Variants in DPYSL3 observed in about 807,000 individuals in gnomAD.
DPYSL3 encodes dihydropyrimidinase like 3, also known as dihydropyrimidinase-related protein 3.
Under a neutral mutation model 66.1 loss-of-function variants are expected in DPYSL3, and 16 were observed. The ratio of observed to expected loss-of-function variants is 0.24; its 90% CI spans 0.16 to 0.37. The LOEUF (loss-of-function observed/expected upper bound fraction) is 0.37. Among genes scored for constraint, DPYSL3 ranks in the 10% least tolerant of loss-of-function variants. The pLI is 1.00. For synonymous variants in DPYSL3, 338 were observed against 345.1 expected, an observed-to-expected ratio of 0.98 and a Z score of 0.23; for missense variants, 738 against 916.2, an observed-to-expected ratio of 0.81 and a Z score of 2.51.
At chr5:147,472,982 G>A (rs1581210176) in intron 1 of DPYSL3, 1 of 152,076 alleles carries the variant, frequency 6.6e-6, no homozygotes, top group Non-Finnish European at 1.5e-5. Flanking sequence ...AAATTTTTCA[G>A]CCAATATTGA....
Position 147,393,371 on chromosome 5 carries a change from G to A in DPYSL3, c.*664C>T, listed in dbSNP as rs184807613. 1 of 152,370 alleles carries A rather than the reference G, an allele frequency of 6.6e-6. No homozygotes were observed. Among genetic ancestry groups the A allele is most frequent in the Non-Finnish European group, 1.5e-5 (1 of 68,102 alleles). 9.4% of individuals were successfully genotyped at this position (152,370 alleles called of 1,614,324 possible). ...CACAATCAAGCAGGTGGAAGAAATG[G>A]TTGGGTCTTGGCATTTTAATAAACG... On this transcript the variant is annotated 3_prime_UTR_variant, in exon 14 of 14. Transcript: ENST00000343218.
At chr5:147,400,612 C>T in intron 10 of DPYSL3, 80 bp downstream of exon 10, 5 of 1,541,034 alleles carry the variant, frequency 3.2e-6, no homozygotes, top group Non-Finnish European at 4.4e-6. Flanking sequence ...GTGTCACCAG[C>T]CCAACTGGTG....
intron 1 of DPYSL3, among the ~76,000 whole-genome samples, chr5:147,458,722 G>C (rs1014143305): frequency 9.8e-5 from 15 of 152,290 alleles, no homozygotes; most frequent in African/African-American, 3.4e-4. Context: ...ACTTACAGTA[G>C]CATATGTGCA....
At chr5:147,439,423 A>G (rs968233812) in intron 1 of DPYSL3, among the ~76,000 whole-genome samples, 1 of 151,960 alleles carries the variant, frequency 6.6e-6, no homozygotes, top group Non-Finnish European at 1.5e-5. Flanking sequence ...TGGACATGAA[A>G]GTGTCATAAT....
chr5:147,393,032 C>T lies in DPYSL3; in HGVS notation c.*1003G>A, dbSNP rs190171030. ...AAACACAAACTGCCTGTAAGAGAGG[C>T]CCTTCATTCTGCCTCATCTGAGCTA... On this transcript the variant is annotated 3_prime_UTR_variant, in exon 14 of 14. Transcript: ENST00000343218. 9 of 152,282 alleles carry T rather than the reference C, an allele frequency of 5.9e-5. No homozygotes were observed. Among genetic ancestry groups the T allele is most frequent in the African/African-American group, 1.9e-4 (8 of 41,562 alleles). 9.4% of individuals were successfully genotyped at this position (152,282 alleles called of 1,614,324 possible).
chr5:147,418,199 C>T (rs1482053078), intron 3 of DPYSL3, among the ~76,000 whole-genome samples: 11 of 152,298 alleles, frequency 7.2e-5, no homozygotes, highest in East Asian at 1.9e-4. Context: ...CAGGAGCCAG[C>T]GCCTGCTGCT....
Position 147,395,615 on chromosome 5 carries a change from G to T in DPYSL3, c.1910C>A (p.Pro637His). The part of the protein sequence containing the change: ...GTPAGSARGS[P>H]TRPNPPVRNL... ...CCTCACAGGTGGGTTCGGCCGAGTA[G>T]GAGAGCCCCGAGCAGAGCCTGCGGG... is the stretch of plus-strand genomic sequence containing the variant. Residue 637 changes from proline to histidine, a missense_variant, in exon 13 of 14, where the codon CCT becomes CAT. Transcript: ENST00000343218. 6.2e-7 allele frequency: 1 copy of T among 1,614,086 alleles called. No individual in the cohort carries two copies. Among genetic ancestry groups the T allele is most frequent in the Non-Finnish European group, 8.5e-7 (1 of 1,180,028 alleles).
chr5:147,444,081 C>T (rs1444591019), intron 1 of DPYSL3, among the ~76,000 whole-genome samples: 1 of 152,020 alleles, frequency 6.6e-6, no homozygotes, highest in Non-Finnish European at 1.5e-5. Context: ...AAGTGAACTC[C>T]AATTGGAATC....
At chr5:147,417,999 C>T (rs909325478) in intron 3 of DPYSL3, among the ~76,000 whole-genome samples, 5 of 152,124 alleles carry the variant, frequency 3.3e-5, no homozygotes, top group Non-Finnish European at 4.4e-5. Context: ...ACAAAATTTC[C>T]GAGAAATGTA....
At chr5:147,470,409 G>A (rs562212754) in intron 1 of DPYSL3, among the ~76,000 whole-genome samples, 12 of 152,130 alleles carry the variant, frequency 7.9e-5, no homozygotes, top group African/African-American at 2.9e-4. Flanking sequence ...CATCTTCACT[G>A]GAAACCCGGG....
intron 1 of DPYSL3, among the ~76,000 whole-genome samples, chr5:147,432,897 G>A (rs1292477443): frequency 1.3e-5 from 2 of 152,148 alleles, no homozygotes; most frequent in Non-Finnish European, 2.9e-5. Flanking sequence ...ACTAAATTTT[G>A]TCTACATTCT....
chr5:147,435,109 G>C (rs1185219502), intron 1 of DPYSL3, among the ~76,000 whole-genome samples: 2 of 152,058 alleles, frequency 1.3e-5, no homozygotes, highest in Non-Finnish European at 2.9e-5. Flanking sequence ...AGAAAGGTGG[G>C]GGGAAGAGAG....
intron 3 of DPYSL3, among the ~76,000 whole-genome samples, chr5:147,416,924 C>A (rs1443244206): frequency 2.0e-5 from 3 of 150,930 alleles, no homozygotes; most frequent in African/African-American, 7.4e-5. Flanking sequence ...GCAAAGATAC[C>A]CATGACATAT....
intron 1 of DPYSL3, among the ~76,000 whole-genome samples, chr5:147,452,821 A>C (rs1752758957): frequency 6.6e-6 from 1 of 151,010 alleles, no homozygotes; most frequent in Non-Finnish European, 1.5e-5. Context: ...TGCTCTAAAA[A>C]CTCGGCCTTT....
At chr5:147,459,460 A>G (rs556766113) in intron 1 of DPYSL3, among the ~76,000 whole-genome samples, 92 of 152,288 alleles carry the variant, frequency 6.0e-4, no homozygotes, top group African/African-American at 2.0e-3. Context: ...ACCTACAACC[A>G]AACAAAGGAA....
chr5:147,461,580 C>A (rs1752931852), intron 1 of DPYSL3, among the ~76,000 whole-genome samples: 1 of 152,172 alleles, frequency 6.6e-6, no homozygotes, highest in Non-Finnish European at 1.5e-5. Flanking sequence ...TCACCCCAGA[C>A]AACGATGCTG....
intron 1 of DPYSL3, among the ~76,000 whole-genome samples, chr5:147,483,331 G>A (rs1753277017): frequency 6.6e-6 from 1 of 152,180 alleles, no homozygotes; most frequent in Admixed American, 6.5e-5. Context: ...CAGGAAGCCA[G>A]GTGCTTTGAA....
intron 1 of DPYSL3, among the ~76,000 whole-genome samples, chr5:147,484,298 A>C (rs1422979535): frequency 6.6e-6 from 1 of 152,172 alleles, no homozygotes; most frequent in East Asian, 1.9e-4. Flanking sequence ...TTTCCCCTTC[A>C]TAGCCCATCT....
chr5:147,509,849 C>G lies in DPYSL3; in HGVS notation c.10G>C (p.Gly4Arg), dbSNP rs1753734847. The G allele has an allele frequency of 6.5e-7, 1 of 1,528,562 alleles. No individual in the cohort carries two copies. Among genetic ancestry groups the G allele is most frequent in the African/African-American group, 1.4e-5 (1 of 72,824 alleles). The allele number at this position is 1,528,562 out of a possible 1,614,324, so 94.7% of individuals were successfully genotyped here. The change falls in exon 1 of 14, where the codon GGC becomes CGC. Residue 4 changes from glycine to arginine, a missense_variant. Coordinates refer to ENST00000343218, the MANE Select transcript of DPYSL3 (RefSeq NM_001197294.2). This position sits in a 1 kb window ranked among gnomAD's most constrained non-coding sequence, Gnocchi z 5.3. The stretch of plus-strand genomic sequence containing the variant: ...TGGGAGCTGTCCCAGCCCCTCCGGC[C>G]CGAGGCCATGGTTCAAGCACGAAAG... MAS[G>R]RRGWDSSHED...
Sources: gnomAD v4.1 joint callset for allele counts (sites outside exome capture counted in the v4.1 genomes callset) on GRCh38, gnomAD v4.1.1 for gene constraint, Gnocchi (gnomAD v3.1) non-coding constraint, MANE v1.5 for transcripts, NCBI Gene and HGNC (gene_info 2026-07-23, HGNC 2026-07-21) for gene names.